BBS9: variants seen among roughly 807,000 people sequenced by gnomAD.
The protein encoded by BBS9 is protein PTHB1.
In BBS9, 89 loss-of-function variants were observed where a neutral mutation model predicts 117.7. The ratio of observed to expected loss-of-function variants is 0.76; its 90% CI spans 0.64 to 0.90. BBS9 has a LOEUF of 0.90. Among genes scored for constraint, BBS9 ranks in the 40% least tolerant of loss-of-function variants. The pLI is 0.00. For synonymous variants in BBS9, 379 were observed against 370.9 expected, an observed-to-expected ratio of 1.02 and a Z score of -0.25; for missense variants, 982 against 1,042.2, an observed-to-expected ratio of 0.94 and a Z score of 0.80.
chr7:33,334,048 A>G (rs1260661828), intron 9 of BBS9, among the ~76,000 whole-genome samples: 3 of 152,206 alleles, frequency 2.0e-5, no homozygotes. Flanking sequence ...CCACTTGAAC[A>G]CGTGAAATAC....
At chr7:33,622,683 A>T (rs1294696840) in intron 21 of BBS9, among the ~76,000 whole-genome samples, 2 of 152,224 alleles carry the variant, frequency 1.3e-5, no homozygotes, top group African/African-American at 2.4e-5. Context: ...TTGCTCCACC[A>T]GATATCAAGT....
intron 14 of BBS9, chr7:33,352,180 C>T (rs1347674157): frequency 2.6e-5 from 4 of 152,868 alleles, no homozygotes; most frequent in Non-Finnish European, 5.8e-5. Flanking sequence ...GAGTTTTAGA[C>T]ACTGTTTTAG....
chr7:33,615,108 GC>G (rs1865063644), intron 21 of BBS9, among the ~76,000 whole-genome samples: 2 of 151,918 alleles, frequency 1.3e-5, no homozygotes, highest in African/African-American at 4.8e-5. Flanking sequence ...TGCCTTCTGT[GC>G]CCTCCCCTGC....
At chr7:33,455,722 C>G (rs774528679) in intron 19 of BBS9, among the ~76,000 whole-genome samples, 6 of 152,060 alleles carry the variant, frequency 3.9e-5, no homozygotes, top group Non-Finnish European at 8.8e-5. Context: ...TTAAAAAGGC[C>G]GTGTCTGAAT....
intron 5 of BBS9, among the ~76,000 whole-genome samples, chr7:33,193,730 AC>A (rs759761358): frequency 2.0e-5 from 3 of 151,808 alleles, no homozygotes; most frequent in East Asian, 1.9e-4. Context: ...TTTGGCTTCA[AC>A]CCTCTCTTTT....
intron 19 of BBS9, among the ~76,000 whole-genome samples, chr7:33,479,888 A>C (rs1842297031): frequency 6.6e-6 from 1 of 152,056 alleles, no homozygotes; most frequent in African/African-American, 2.4e-5. Flanking sequence ...GTGTCTGTTC[A>C]TGTTCTTTGC....
chr7:33,499,787 T>C (rs1325732647), intron 19 of BBS9, among the ~76,000 whole-genome samples: 1 of 152,230 alleles, frequency 6.6e-6, no homozygotes, highest in Admixed American at 6.5e-5. Flanking sequence ...GTATTGTTTT[T>C]ATAATTAAGT....
At chr7:33,171,779 A>G (rs1346605457) in intron 4 of BBS9, among the ~76,000 whole-genome samples, 3 of 152,166 alleles carry the variant, frequency 2.0e-5, no homozygotes, top group East Asian at 1.9e-4. Flanking sequence ...TTAATATAAC[A>G]TGACCTGAAG....
intron 9 of BBS9, among the ~76,000 whole-genome samples, chr7:33,319,046 C>T (rs1811136229): frequency 6.6e-6 from 1 of 151,850 alleles, no homozygotes; most frequent in Admixed American, 6.6e-5. Context: ...ACCTGTAATC[C>T]CAGCTACTTG....
chr7:33,147,581 G>T (rs4723259), intron 2 of BBS9, among the ~76,000 whole-genome samples: 4 of 151,908 alleles, frequency 2.6e-5, no homozygotes, highest in East Asian at 3.9e-4. Flanking sequence ...CTCTGCCCCC[G>T]CTATTTGTTA....
intron 19 of BBS9, among the ~76,000 whole-genome samples, chr7:33,406,743 A>T (rs1334860985): frequency 6.6e-6 from 1 of 152,108 alleles, no homozygotes; most frequent in African/African-American, 2.4e-5. Flanking sequence ...TCTTTTCTTT[A>T]AGAATGTTGA....
chr7:33,171,457 T>C (rs1286800099), intron 4 of BBS9, among the ~76,000 whole-genome samples: 3 of 152,234 alleles, frequency 2.0e-5, no homozygotes, highest in African/African-American at 7.2e-5. Context: ...TACAAAATTG[T>C]TTCATCTCTA....
At chr7:33,301,749 GATCTCTTCA>G (rs1806493460) in intron 9 of BBS9, among the ~76,000 whole-genome samples, 1 of 152,106 alleles carries the variant, frequency 6.6e-6, no homozygotes. Flanking sequence ...AGAGTGGAGA[GATCTCTTCA>G]ATCTACTGAT....
At chr7:33,614,062 C>T (rs1330841784) in intron 21 of BBS9, among the ~76,000 whole-genome samples, 1 of 152,116 alleles carries the variant, frequency 6.6e-6, no homozygotes, top group African/African-American at 2.4e-5. Context: ...TCATGAAAAG[C>T]ATGAAAACAG....
chr7:33,566,435 G>A (rs2129128624), intron 21 of BBS9, among the ~76,000 whole-genome samples: 1 of 151,972 alleles, frequency 6.6e-6, no homozygotes, highest in Non-Finnish European at 1.5e-5. Flanking sequence ...GTTATTTCCT[G>A]AAAGACAGAG....
intron 4 of BBS9, among the ~76,000 whole-genome samples, chr7:33,173,528 C>CAT (rs1796909480): frequency 6.6e-6 from 1 of 150,392 alleles, no homozygotes; most frequent in African/African-American, 2.5e-5. Flanking sequence ...GCTGAGATTG[C>CAT]GCCACTGCAC....
intron 19 of BBS9, among the ~76,000 whole-genome samples, chr7:33,479,655 A>G (rs1427871225): frequency 6.6e-6 from 1 of 151,932 alleles, no homozygotes; most frequent in Non-Finnish European, 1.5e-5. Context: ...TGGTAGTTCA[A>G]CTCTCAGTTC....
chr7:33,149,125 G>C (rs1373567905), intron 2 of BBS9, among the ~76,000 whole-genome samples: 2 of 152,170 alleles, frequency 1.3e-5, no homozygotes, highest in Admixed American at 1.3e-4. Flanking sequence ...AGACCATGGA[G>C]GGTCAAGGGA....
chr7:33,265,042 T>A (rs1425483416), intron 7 of BBS9, among the ~76,000 whole-genome samples: 1 of 152,164 alleles, frequency 6.6e-6, no homozygotes, highest in East Asian at 1.9e-4. Context: ...CTCCATTTAT[T>A]GTAAATTGGG....
Sources: allele counts gnomAD v4.1 joint callset (sites outside exome capture counted in the v4.1 genomes callset), GRCh38; gene constraint gnomAD v4.1.1; transcripts MANE v1.5; gene names NCBI Gene and HGNC (gene_info 2026-07-23, HGNC 2026-07-21).